MAP3K13: variants seen among roughly 807,000 people sequenced by gnomAD.
MAP3K13 encodes mitogen-activated protein kinase kinase kinase 13.
MAP3K13 carries 52 observed loss-of-function variants against 104.0 expected under a neutral mutation model. The ratio of observed to expected loss-of-function variants is 0.50; its 90% confidence interval spans 0.40 to 0.63. The LOEUF (loss-of-function observed/expected upper bound fraction) is 0.63. Ranked by LOEUF, MAP3K13 falls within the 20% of genes least tolerant of loss-of-function variation. The pLI is 0.00. For synonymous variants in MAP3K13, 394 were observed against 442.2 expected (o/e 0.89, Z 1.37); for missense variants, 914 against 1,218.5 (o/e 0.75, Z 3.72).
intron 7 of MAP3K13, among the ~76,000 whole-genome samples, chr3:185,454,554 C>CCATATATATGAGATATATATATGATATAT (rs1716192494): frequency 6.2e-5 from 1 of 16,248 alleles, no homozygotes; most frequent in Non-Finnish European, 2.3e-4. Flanking sequence ...ATGATATATA[C>CCATATATATGAGATATATATATGATATAT]ACATATATAT....
chr3:185,394,066 G>A (rs780884932), intron 1 of MAP3K13, among the ~76,000 whole-genome samples: 2 of 152,146 alleles, frequency 1.3e-5, no homozygotes, highest in Non-Finnish European at 2.9e-5. Context: ...CAAGGGGAAA[G>A]TTTTGGAGGC....
At chr3:185,392,076 GA>G (rs1196357621) in intron 1 of MAP3K13, among the ~76,000 whole-genome samples, 1 of 152,134 alleles carries the variant, frequency 6.6e-6, no homozygotes, top group East Asian at 1.9e-4. Context: ...ATGCCCTGGG[GA>G]TGTAGTGGTA....
intron 1 of MAP3K13, among the ~76,000 whole-genome samples, chr3:185,374,367 G>C (rs984122537): frequency 6.6e-6 from 1 of 152,184 alleles, no homozygotes; most frequent in Non-Finnish European, 1.5e-5. Context: ...AGCGGGATTA[G>C]GGGCGGCGTG....
intron 1 of MAP3K13, among the ~76,000 whole-genome samples, chr3:185,396,545 C>T (rs897634703): frequency 1.3e-5 from 2 of 152,094 alleles, no homozygotes; most frequent in African/African-American, 4.8e-5. Flanking sequence ...CCTGCTCTGT[C>T]CACCCTACAT....
intron 2 of MAP3K13, among the ~76,000 whole-genome samples, chr3:185,430,810 G>A (rs1021198457): frequency 3.9e-5 from 6 of 152,220 alleles, no homozygotes; most frequent in African/African-American, 1.4e-4. Flanking sequence ...GTCTATTTGT[G>A]TATGTGTGTG....
At chr3:185,465,604 A>T in intron 8 of MAP3K13, 143 bp from the exon 9 acceptor site, 2 of 638,344 alleles carry the variant, frequency 3.1e-6, no homozygotes, top group Non-Finnish European at 5.7e-6. Flanking sequence ...TGTCTGAGTT[A>T]CTGCACTGGA....
intron 1 of MAP3K13, among the ~76,000 whole-genome samples, chr3:185,364,642 T>C (rs1723786507): frequency 6.6e-6 from 1 of 152,214 alleles, no homozygotes; most frequent in Admixed American, 6.5e-5. Context: ...TTCAAACTTA[T>C]CATACCTGAG....
At chr3:185,452,293 G>A (rs867575802) in intron 7 of MAP3K13, among the ~76,000 whole-genome samples, 2 of 151,950 alleles carry the variant, frequency 1.3e-5, no homozygotes, top group Non-Finnish European at 2.9e-5. Context: ...GTCTGATCTC[G>A]GCTCACTGCA....
chr3:185,475,976 A>G (rs1718099783), intron 11 of MAP3K13, among the ~76,000 whole-genome samples: 1 of 152,212 alleles, frequency 6.6e-6, no homozygotes, highest in South Asian at 2.1e-4. Flanking sequence ...TTATTAAGAT[A>G]TAATTTGCAT....
At chr3:185,359,143 C>T (rs184740899), upstream of MAP3K13, among the ~76,000 whole-genome samples, 1 of 152,230 alleles carries the variant, frequency 6.6e-6, no homozygotes, top group East Asian at 1.9e-4. Flanking sequence ...GGGGAAACCT[C>T]GCAATTATGG....
intron 1 of MAP3K13, among the ~76,000 whole-genome samples, chr3:185,392,761 T>C (rs1712141725): frequency 6.6e-6 from 1 of 151,964 alleles, no homozygotes; most frequent in African/African-American, 2.4e-5. Context: ...TAAAATAATC[T>C]AGGCTGACCG....
intron 2 of MAP3K13, among the ~76,000 whole-genome samples, chr3:185,308,231 A>G (rs2108684474): frequency 6.6e-6 from 1 of 152,054 alleles, no homozygotes; most frequent in African/African-American, 2.4e-5. Flanking sequence ...ATGGGGTTGT[A>G]TCTCCTCTGA....
chr3:185,348,012 C>CAAAA (rs61028328), intron 2 of MAP3K13, among the ~76,000 whole-genome samples: 1 of 88,948 alleles, frequency 1.1e-5, no homozygotes, highest in Non-Finnish European at 2.7e-5. Flanking sequence ...AACTCCGTCT[C>CAAAA]AAAAAAAAAA....
At chr3:185,341,176 A>T (rs1406786184) in intron 2 of MAP3K13, among the ~76,000 whole-genome samples, 1 of 152,202 alleles carries the variant, frequency 6.6e-6, no homozygotes, top group African/African-American at 2.4e-5. Context: ...CTCTTTATAG[A>T]TGTAATTAGT....
In MAP3K13 at chr3:185,473,892, A is replaced by C; in HGVS notation, c.2430+131A>C. The C allele has an allele frequency of 9.7e-7, 1 of 1,032,080 alleles. No homozygotes were observed. The highest frequency in any genetic ancestry group is 1.7e-5 in the South Asian group (1 of 58,290). 63.9% of individuals were successfully genotyped at this position (1,032,080 alleles called of 1,614,324 possible). A position where few individuals can be genotyped will look rare whatever the true frequency, so the allele number is the denominator to read the frequency against. On this transcript the variant is annotated intron_variant, in intron 11 of 13. Coordinates refer to ENST00000265026, the MANE Select transcript of MAP3K13 (RefSeq NM_004721.5). This position sits in a 1 kb window ranked among gnomAD's most constrained non-coding sequence, Gnocchi z 4.9. Reference sequence around the variant, plus strand: ...AAAAGGACAAGATAACAGAAACATAAATAGAAATTTATTTTACTTTAAATT... The same window carrying C: ...AAAAGGACAAGATAACAGAAACATACATAGAAATTTATTTTACTTTAAATT...
chr3:185,340,967 A>G (rs1323293179), intron 2 of MAP3K13, among the ~76,000 whole-genome samples: 1 of 152,194 alleles, frequency 6.6e-6, no homozygotes, highest in African/African-American at 2.4e-5. Flanking sequence ...AGAAAGGACT[A>G]TTACACCATC....
chr3:185,390,686 C>T (rs964487404), intron 1 of MAP3K13, among the ~76,000 whole-genome samples: 10 of 145,052 alleles, frequency 6.9e-5, no homozygotes, highest in African/African-American at 2.6e-4. Flanking sequence ...TGCAGTGGCA[C>T]AATCTCAGCT....
intron 2 of MAP3K13, among the ~76,000 whole-genome samples, chr3:185,321,847 G>A (rs77203133): frequency 0.083 from 12,692 of 152,180 alleles, 699 homozygotes; most frequent in East Asian, 0.2. Flanking sequence ...CAGGTGATCT[G>A]TCCACCTCAG....
intron 2 of MAP3K13, among the ~76,000 whole-genome samples, chr3:185,294,399 T>C (rs1236082947): frequency 2.6e-5 from 4 of 152,230 alleles, no homozygotes; most frequent in African/African-American, 9.6e-5. Context: ...TGAAATGCTG[T>C]CTTTAGTGCC....
Sources: allele counts gnomAD v4.1 joint callset (sites outside exome capture counted in the v4.1 genomes callset), GRCh38; gene constraint gnomAD v4.1.1; non-coding constraint Gnocchi (gnomAD v3.1); transcripts MANE v1.5; gene names NCBI Gene and HGNC (gene_info 2026-07-23, HGNC 2026-07-21).